FBXO33: variants seen among roughly 807,000 people sequenced by gnomAD.
The protein encoded by FBXO33 is F-box only protein 33.
FBXO33 carries 22 observed loss-of-function variants against 46.3 expected under a neutral mutation model. That is an observed-to-expected ratio of 0.48 (90% CI 0.34 to 0.68). FBXO33 has a LOEUF of 0.68. Among genes scored for constraint, FBXO33 ranks in the 30% least tolerant of loss-of-function variants. The probability of loss-of-function intolerance (pLI) is 0.01; values close to 1 mark genes in which losing one functional copy is unlikely to be tolerated. For synonymous variants in FBXO33, 337 were observed against 291.3 expected (o/e 1.16, Z -1.60); for missense variants, 692 against 708.8 (o/e 0.98, Z 0.27).
chr14:39,407,933 T>C (rs1032857871), intron 1 of FBXO33, among the ~76,000 whole-genome samples: 1 of 152,214 alleles, frequency 6.6e-6, no homozygotes, highest in Admixed American at 6.5e-5. Flanking sequence ...CCAATTTTTC[T>C]ACATCCTCAC....
chr14:39,431,533 C>G (rs1182471042), intron 1 of FBXO33, 31 bp downstream of exon 1: 26 of 1,606,694 alleles, frequency 1.6e-5, no homozygotes, highest in Middle Eastern at 1.6e-4. Flanking sequence ...CCCCCCGTTA[C>G]CGGGCGGGGC....
intron 1 of FBXO33, among the ~76,000 whole-genome samples, chr14:39,425,183 G>C (rs17109216): frequency 0.033 from 5,055 of 152,224 alleles, 295 homozygotes; most frequent in African/African-American, 0.11. Context: ...ACTCCTGTTA[G>C]GACTGTTTAG....
At chr14:39,417,473 G>A (rs1189790182) in intron 1 of FBXO33, among the ~76,000 whole-genome samples, 1 of 152,166 alleles carries the variant, frequency 6.6e-6, no homozygotes, top group Admixed American at 6.5e-5. Context: ...ATGTGGCTGG[G>A]TGCTACAACT....
chr14:39,414,003 G>A (rs571014586), intron 1 of FBXO33, among the ~76,000 whole-genome samples: 11 of 152,142 alleles, frequency 7.2e-5, no homozygotes, highest in Non-Finnish European at 1.5e-4. Context: ...CCTCTAACGA[G>A]AGTCAGCCTG....
At chr14:39,400,533 A>T (rs1181154715) in intron 3 of FBXO33, among the ~76,000 whole-genome samples, 1 of 152,238 alleles carries the variant, frequency 6.6e-6, no homozygotes, top group Non-Finnish European at 1.5e-5. Context: ...AGCAAGGCAT[A>T]CATTCCCAAA....
intron 1 of FBXO33, among the ~76,000 whole-genome samples, chr14:39,428,379 TA>T (rs146625186): frequency 0.035 from 5,289 of 152,082 alleles, 338 homozygotes; most frequent in African/African-American, 0.12. Flanking sequence ...CTATGTATTT[TA>T]AAAGAGATGG....
rs910845249 is a variant in FBXO33, at chr14:39,401,645, G to C, written c.927C>G (p.His309Gln). 2 of 1,614,220 alleles carry C rather than the reference G, an allele frequency of 1.2e-6. No homozygotes were observed. Among genetic ancestry groups the C allele is most frequent in the Admixed American group, 1.7e-5 (1 of 60,028 alleles). The part of the protein sequence containing the change: ...AVELERFVNL[H>Q]SLALDFCDFT... ...AGTCACAAAAATCCAAGGCAAGTGA[G>C]TGCAGATTCACAAATCGCTCCAGTT... is the stretch of plus-strand genomic sequence containing the variant. Residue 309 changes from histidine (H) to glutamine (Q), a missense_variant, in exon 3 of 4, where the codon CAC becomes CAG. This residue lies in a region of FBXO33 where 186 missense variants were observed against 246.1 expected (regional missense o/e 0.76). Transcript: ENST00000298097.
At chr14:39,422,039 C>T (rs112477593) in intron 1 of FBXO33, among the ~76,000 whole-genome samples, 1 of 152,116 alleles carries the variant, frequency 6.6e-6, no homozygotes, top group East Asian at 1.9e-4. Flanking sequence ...AGGTGGATTG[C>T]CTGAGCTCAG....
intron 1 of FBXO33, among the ~76,000 whole-genome samples, chr14:39,427,352 A>T (rs932272800): frequency 2.0e-5 from 3 of 152,156 alleles, no homozygotes; most frequent in African/African-American, 7.2e-5. Context: ...TTTTTAGGTA[A>T]GGAGCCTGCT....
In FBXO33 at chr14:39,398,030, A is replaced by G. The variant is rs1278930089; in HGVS notation, c.*1486T>C. On this transcript the variant is annotated 3_prime_UTR_variant, in exon 4 of 4. Transcript: ENST00000298097. Reference sequence around the variant, plus strand: ...ACCTGTCAAAAGGTCATTTTAATATAAGATGGTAAAACCATTTGTAAAACA... The same window carrying G: ...ACCTGTCAAAAGGTCATTTTAATATGAGATGGTAAAACCATTTGTAAAACA... The G allele has an allele frequency of 2.0e-5, 3 of 152,820 alleles. No homozygotes were observed. The East Asian group carries it at 5.8e-4, about 29-fold the overall frequency. The allele number at this position is 152,820 out of a possible 1,614,324, so 9.5% of individuals were successfully genotyped here.
chr14:39,410,442 A>G (rs1214272502), intron 1 of FBXO33, among the ~76,000 whole-genome samples: 1 of 152,148 alleles, frequency 6.6e-6, no homozygotes, highest in Non-Finnish European at 1.5e-5. Flanking sequence ...CTATTTGTTG[A>G]GGATTTTGGT....
In FBXO33 at chr14:39,401,291, T is replaced by A; in HGVS notation, c.1281A>T (p.Leu427Phe). ...QYDKFLTHFI[L>F]MNDVIDTSGF... The stretch of plus-strand genomic sequence containing the variant: ...CAGATGTGTCAATCACATCATTCAT[T>A]AAAATAAAATGAGTGAGGAACTTGT... The change falls in exon 3 of 4, where the codon TTA becomes TTT. Residue 427 changes from leucine to phenylalanine, a missense_variant. Physicochemically the swap from Leu to Phe is conservative, Grantham distance 22. Transcript: ENST00000298097. The A allele has an allele frequency of 6.2e-7, 1 of 1,614,104 alleles. No homozygotes were observed. Among genetic ancestry groups the A allele is most frequent in the South Asian group, 1.1e-5 (1 of 91,074 alleles).
chr14:39,400,979 G>A (rs962241547), intron 3 of FBXO33, among the ~76,000 whole-genome samples, 197 bp downstream of exon 3: 2 of 152,168 alleles, frequency 1.3e-5, no homozygotes, highest in Non-Finnish European at 2.9e-5. Flanking sequence ...AGGGAAGCTG[G>A]AGCAGAACAC....
chr14:39,421,489 G>A (rs1468136239), intron 1 of FBXO33, among the ~76,000 whole-genome samples: 8 of 152,076 alleles, frequency 5.3e-5, no homozygotes, highest in African/African-American at 1.7e-4. Context: ...CTTCATATGA[G>A]TCCATAGCTC....
intron 1 of FBXO33, among the ~76,000 whole-genome samples, chr14:39,427,546 A>C (rs1225031619): frequency 6.6e-6 from 1 of 152,226 alleles, no homozygotes; most frequent in Admixed American, 6.5e-5. Context: ...ATTTCAAGAA[A>C]AATAAGGCTA....
chr14:39,404,390 G>A (rs761611165), intron 1 of FBXO33, among the ~76,000 whole-genome samples: 3 of 152,088 alleles, frequency 2.0e-5, no homozygotes, highest in East Asian at 1.9e-4. Context: ...GCAGTGGCAC[G>A]ATCTCGGTTC....
In FBXO33 at chr14:39,431,842, C is replaced by A. The variant is rs200348294; in HGVS notation, c.321G>T (p.Leu107=). 18 of 1,602,776 alleles carry A rather than the reference C, an allele frequency of 1.1e-5. No individual in the cohort carries two copies. The highest frequency in any genetic ancestry group is 1.5e-5 in the Non-Finnish European group (18 of 1,177,508). The stretch of plus-strand genomic sequence containing the variant: ...GGAGGCAGATGCGGAGCTGGGGCCA[C>A]AGGGCCGGATAGAAGAGGCACTCAC... The part of the protein sequence containing the change: ...HWRECLFYPA[L]WPQLRICLRV... The change falls in exon 1 of 4, where the codon CTG becomes CTT. Residue 107 remains leucine (L), a synonymous_variant. Coordinates refer to ENST00000298097, the MANE Select transcript of FBXO33 (RefSeq NM_203301.4).
At chr14:39,409,131 T>C (rs2075411460) in intron 1 of FBXO33, among the ~76,000 whole-genome samples, 1 of 152,244 alleles carries the variant, frequency 6.6e-6, no homozygotes, top group African/African-American at 2.4e-5. Context: ...GTTGCCTTTG[T>C]TTTTGGTGTC....
At chr14:39,419,107 C>T (rs1419724864) in intron 1 of FBXO33, among the ~76,000 whole-genome samples, 3 of 152,188 alleles carry the variant, frequency 2.0e-5, no homozygotes, top group African/African-American at 7.2e-5. Context: ...CTGTTTCAGA[C>T]TACAACACTA....
Sources: allele counts gnomAD v4.1 joint callset (sites outside exome capture counted in the v4.1 genomes callset), GRCh38; gene constraint gnomAD v4.1.1; regional missense constraint gnomAD v4.1.1; transcripts MANE v1.5; gene names NCBI Gene and HGNC (gene_info 2026-07-23, HGNC 2026-07-21).